MAGI1: variants seen among roughly 807,000 people sequenced by gnomAD.
MAGI1 encodes the protein membrane associated guanylate kinase, WW and PDZ domain containing 1, also known as membrane-associated guanylate kinase, WW and PDZ domain-containing protein 1.
MAGI1 carries 58 observed loss-of-function variants against 139.9 expected under a neutral mutation model. That is an observed-to-expected ratio of 0.41 (90% CI 0.34 to 0.52). The LOEUF (loss-of-function observed/expected upper bound fraction) is 0.52. Ranked by LOEUF, MAGI1 falls within the 20% of genes least tolerant of loss-of-function variation. The pLI, the probability that MAGI1 is intolerant of heterozygous loss-of-function variation, is 0.12. For missense variants in MAGI1, 1,874 were observed against 1,901.6 expected (o/e 0.99, Z 0.27); for synonymous variants, 812 against 737.9 (o/e 1.10, Z -1.63).
chr3:65,493,566 C>T lies in MAGI1; in HGVS notation c.496G>A (p.Glu166Lys). The change falls in exon 3 of 23, where the codon GAG becomes AAG. Residue 166 changes from glutamate (E) to lysine (K), a missense_variant. By Grantham distance (56) the Glu-to-Lys change is moderately conservative. This residue lies in a region of MAGI1 where 648 missense variants were observed against 598.1 expected (regional missense o/e 1.08). Transcript: ENST00000402939. ...CCACTCTGCTCGAGGTCCAAGAACTCCTTCACAGTCAGAAAGTTATAGTCC... is the reference window on the plus strand; with the variant it reads ...CCACTCTGCTCGAGGTCCAAGAACTTCTTCACAGTCAGAAAGTTATAGTCC... ...GVDYNFLTVK[E>K]FLDLEQSGTL... 1 of 1,614,170 alleles carries T rather than the reference C, an allele frequency of 6.2e-7. No individual in the cohort carries two copies. The highest frequency in any genetic ancestry group is 8.5e-7 in the Non-Finnish European group (1 of 1,180,024).
At chr3:65,546,205 A>G (rs2079501733) in intron 2 of MAGI1, among the ~76,000 whole-genome samples, 1 of 152,038 alleles carries the variant, frequency 6.6e-6, no homozygotes, top group Non-Finnish European at 1.5e-5. Flanking sequence ...TCACTCCTTC[A>G]TTTACTTGTC....
At chr3:65,402,835 A>T (rs1196510709) in intron 12 of MAGI1, among the ~76,000 whole-genome samples, 1 of 152,160 alleles carries the variant, frequency 6.6e-6, no homozygotes, top group Admixed American at 6.5e-5. Context: ...CTCTCTGGCA[A>T]GGTTCCTTGC....
intron 12 of MAGI1, among the ~76,000 whole-genome samples, chr3:65,415,653 C>G (rs925429504): frequency 6.6e-6 from 1 of 152,190 alleles, no homozygotes; most frequent in African/African-American, 2.4e-5. Context: ...CAAAAAATAA[C>G]CCAGAAGTGG....
At chr3:65,564,981 G>T (rs961970408) in intron 2 of MAGI1, among the ~76,000 whole-genome samples, 2 of 152,064 alleles carry the variant, frequency 1.3e-5, no homozygotes, top group Non-Finnish European at 2.9e-5. Context: ...AAAAACAATC[G>T]ACCTTCAGTC....
intron 1 of MAGI1, among the ~76,000 whole-genome samples, chr3:65,777,642 CAAA>C (rs11415226): frequency 0.084 from 9,771 of 117,004 alleles, 252 homozygotes; most frequent in African/African-American, 0.12. Flanking sequence ...ACTCTTATCA[CAAA>C]AAAAAAAAAA....
chr3:65,515,162 G>A (rs1472328034), intron 2 of MAGI1, among the ~76,000 whole-genome samples: 1 of 115,302 alleles, frequency 8.7e-6, no homozygotes, highest in African/African-American at 3.4e-5. Flanking sequence ...ACTGTGGTGG[G>A]GTGGGGGGAG....
At chr3:65,723,344 C>T (rs2033258835) in intron 1 of MAGI1, among the ~76,000 whole-genome samples, 1 of 152,152 alleles carries the variant, frequency 6.6e-6, no homozygotes, top group African/African-American at 2.4e-5. Context: ...TGCTTCAATC[C>T]TGGACTTTTC....
intron 2 of MAGI1, among the ~76,000 whole-genome samples, chr3:65,576,177 C>T (rs2081166645): frequency 1.3e-5 from 2 of 152,180 alleles, no homozygotes; most frequent in South Asian, 4.1e-4. Context: ...AGCATGCATA[C>T]TTAGCATTTT....
At chr3:65,959,601 TTTATTATTATTATTATTATTATTA>T (rs34295973) in intron 1 of MAGI1, among the ~76,000 whole-genome samples, 32 of 127,312 alleles carry the variant, frequency 2.5e-4, no homozygotes, top group African/African-American at 9.1e-4. Context: ...TCCCAGCATT[TTTATTATTATTATTATTATTATTA>T]TTATTATTAT....
intron 2 of MAGI1, among the ~76,000 whole-genome samples, chr3:65,511,583 T>A (rs2077595334): frequency 9.7e-6 from 1 of 102,922 alleles, no homozygotes; most frequent in South Asian, 4.3e-4. Flanking sequence ...GGTAAAGGGA[T>A]CAATTCAACA....
intron 1 of MAGI1, among the ~76,000 whole-genome samples, chr3:65,713,447 G>GA (rs933605370): frequency 1.3e-5 from 2 of 151,536 alleles, no homozygotes; most frequent in Non-Finnish European, 2.9e-5. Context: ...TTTAAAAAAA[G>GA]AAAAAAAAGA....
At chr3:66,021,526 G>A (rs900677767) in intron 1 of MAGI1, among the ~76,000 whole-genome samples, 3 of 152,172 alleles carry the variant, frequency 2.0e-5, no homozygotes, top group Non-Finnish European at 1.5e-5. Flanking sequence ...AGTGTACAGT[G>A]GGGTCTGTTA....
intron 1 of MAGI1, among the ~76,000 whole-genome samples, chr3:65,672,741 G>C (rs983955009): frequency 6.6e-6 from 1 of 152,154 alleles, no homozygotes; most frequent in African/African-American, 2.4e-5. Flanking sequence ...ACTAGAAACT[G>C]ATTTCGGAGG....
chr3:65,749,358 A>T (rs1204052525), intron 1 of MAGI1, among the ~76,000 whole-genome samples: 1 of 152,206 alleles, frequency 6.6e-6, no homozygotes, highest in Non-Finnish European at 1.5e-5. Flanking sequence ...ATCAGTTGCA[A>T]AACTGTTCTG....
chr3:65,499,466 G>A (rs1199489798), intron 2 of MAGI1, among the ~76,000 whole-genome samples: 3 of 152,054 alleles, frequency 2.0e-5, no homozygotes, highest in Admixed American at 6.6e-5. Context: ...TGGCTAACAC[G>A]GTGAAACCCC....
intron 1 of MAGI1, among the ~76,000 whole-genome samples, chr3:65,822,745 A>C (rs2042016059): frequency 6.6e-6 from 1 of 152,100 alleles, no homozygotes; most frequent in Non-Finnish European, 1.5e-5. Flanking sequence ...GAGTATGAGG[A>C]AGATAGAGTG....
At chr3:65,982,874 T>C (rs987691285) in intron 1 of MAGI1, among the ~76,000 whole-genome samples, 5 of 152,182 alleles carry the variant, frequency 3.3e-5, no homozygotes, top group Non-Finnish European at 7.3e-5. Flanking sequence ...TCAAAAAATA[T>C]ATATTTTTGT....
chr3:65,486,210 G>A (rs1440758881), intron 3 of MAGI1, among the ~76,000 whole-genome samples: 1 of 152,120 alleles, frequency 6.6e-6, no homozygotes, highest in Non-Finnish European at 1.5e-5. Context: ...ATTGAATGCT[G>A]ACATCCTCTT....
chr3:65,865,459 G>A (rs772568389), intron 1 of MAGI1, among the ~76,000 whole-genome samples: 3 of 152,054 alleles, frequency 2.0e-5, no homozygotes, highest in Non-Finnish European at 2.9e-5. Context: ...AGCCAGGCGT[G>A]GTGGCACACA....
Sources: gnomAD v4.1 joint callset for allele counts (sites outside exome capture counted in the v4.1 genomes callset) on GRCh38, gnomAD v4.1.1 for gene constraint, gnomAD v4.1.1 regional missense constraint, MANE v1.5 for transcripts, NCBI Gene and HGNC (gene_info 2026-07-23, HGNC 2026-07-21) for gene names.